Variants in RARB observed in about 807,000 individuals in gnomAD.
RARB encodes the protein HBV-activated protein.
A neutral mutation model predicts 51.9 loss-of-function variants in RARB; 17 were observed. That is an observed-to-expected ratio of 0.33 (90% confidence interval 0.22 to 0.49). The LOEUF (loss-of-function observed/expected upper bound fraction) is 0.49, where lower values mean the gene tolerates loss of function less well. RARB is among the 20% of genes least tolerant of loss of function. The probability of loss-of-function intolerance (pLI) is 0.99; values close to 1 mark genes in which losing one functional copy is unlikely to be tolerated. For missense variants in RARB, 369 were observed against 550.8 expected (o/e 0.67, Z 3.30); for synonymous variants, 215 against 195.4 (o/e 1.10, Z -0.84).
chr3:25,214,627 GC>G (rs1213976856), intron 5 of RARB, among the ~76,000 whole-genome samples: 1 of 152,152 alleles, frequency 6.6e-6, no homozygotes, highest in Non-Finnish European at 1.5e-5. Context: ...GTCCTGAAAT[GC>G]CCCTGAAGGG....
intron 5 of RARB, among the ~76,000 whole-genome samples, chr3:25,347,429 C>T (rs981702221): frequency 2.0e-5 from 3 of 152,158 alleles, no homozygotes; most frequent in Non-Finnish European, 2.9e-5. Flanking sequence ...CACCTAAAAG[C>T]TGTATTTGAT....
chr3:25,566,106 C>T (rs749898325), intron 3 of RARB, among the ~76,000 whole-genome samples: 64 of 152,162 alleles, frequency 4.2e-4, no homozygotes, highest in African/African-American at 1.2e-3. Context: ...CCTAGGCCCC[C>T]GTGGCTTCTT....
At chr3:25,314,482 T>G (rs1704369025) in intron 5 of RARB, among the ~76,000 whole-genome samples, 2 of 152,188 alleles carry the variant, frequency 1.3e-5, no homozygotes, top group Non-Finnish European at 2.9e-5. Context: ...TAGTTTAAGT[T>G]TCTTGTGTTG....
Position 25,399,176 on chromosome 3 carries a change from T to G in RARB, c.179-62017T>G, listed in dbSNP as rs548541392. On this transcript the variant is annotated intron_variant, in intron 5 of 11. Transcript: ENST00000383772. ...TCCGTGTATCACTATGATGCTTTAC[T>G]GAGAAATAAACCCCCTGGGCTTGCT... Among the ~76,000 whole-genome samples, 7 of 152,358 alleles carry G rather than the reference T, an allele frequency of 4.6e-5. No homozygotes were observed. The South Asian group carries it at 1.4e-3, about 32-fold the overall frequency.
At chr3:25,359,874 T>C (rs778020828) in intron 5 of RARB, among the ~76,000 whole-genome samples, 5 of 152,228 alleles carry the variant, frequency 3.3e-5, no homozygotes, top group Non-Finnish European at 7.3e-5. Flanking sequence ...TTGCATTTGC[T>C]GAGGAATGTT....
At chr3:25,506,749 G>A (rs1026838374) in intron 3 of RARB, among the ~76,000 whole-genome samples, 2 of 152,276 alleles carry the variant, frequency 1.3e-5, no homozygotes, top group Non-Finnish European at 2.9e-5. Context: ...AGCAGATGAA[G>A]GGCTAGGTTT....
At position 24,864,061 on chromosome 3, in the gene RARB, T is replaced by C. The variant is rs184159732; in HGVS notation, c.-380+5309T>C. 5.0e-4 allele frequency among the ~76,000 whole-genome samples: 76 copies of C among 152,340 alleles called. 1 individual carries two copies. Among genetic ancestry groups the C allele is most frequent in the Admixed American group, 4.5e-3 (69 of 15,296 alleles). On this transcript the variant is annotated intron_variant, in intron 2 of 11. Transcript: ENST00000383772. ...TGATTTTCTGCCCTAAGCTTAGAAA[T>C]GTAGACAAGTTTCACTAACTTTTGC...
intron 1 of RARB, among the ~76,000 whole-genome samples, chr3:25,435,669 C>T (rs1199032223): frequency 6.6e-6 from 1 of 152,038 alleles, no homozygotes; most frequent in Non-Finnish European, 1.5e-5. Context: ...CATTATGGTC[C>T]TCAGAATGCT....
chr3:24,864,988 C>G (rs1702820546), intron 2 of RARB, among the ~76,000 whole-genome samples: 1 of 152,168 alleles, frequency 6.6e-6, no homozygotes, highest in African/African-American at 2.4e-5. Flanking sequence ...TCGCTTTCCT[C>G]TCCTAAATAG....
rs73049965 is a variant in RARB at position 25,137,700 on chromosome 3, A to G, written c.-280+5492A>G. ...GGCCCATTGAAGGCCTCTTTGTTGC[A>G]ACTTTGTTTATTGTCATTTAAATAG... On this transcript the variant is annotated intron_variant, in intron 4 of 11. Transcript: ENST00000383772. 5.7e-3 allele frequency among the ~76,000 whole-genome samples: 864 copies of G among 152,164 alleles called. 4 individuals carry two copies. Among genetic ancestry groups the G allele is most frequent in the Middle Eastern group, 0.02 (6 of 294 alleles).
chr3:24,839,535 G>GAA (rs56392246), intron 1 of RARB, among the ~76,000 whole-genome samples: 4 of 137,754 alleles, frequency 2.9e-5, no homozygotes, highest in African/African-American at 1.1e-4. Context: ...CCCTGTCTCT[G>GAA]AAAAAAAAAA....
At chr3:25,373,907 G>A (rs781126404) in intron 5 of RARB, among the ~76,000 whole-genome samples, 2 of 152,182 alleles carry the variant, frequency 1.3e-5, no homozygotes, top group South Asian at 2.1e-4. Flanking sequence ...TAGCTCACAC[G>A]TGAGAAGCCA....
At chr3:25,416,250 A>G (rs1013905052) in intron 5 of RARB, among the ~76,000 whole-genome samples, 7 of 152,284 alleles carry the variant, frequency 4.6e-5, no homozygotes, top group Middle Eastern at 3.4e-3. Context: ...TTAGTCAGGC[A>G]TGGTGGCACA....
chr3:25,170,335 C>G (rs150114451), intron 4 of RARB, among the ~76,000 whole-genome samples: 4 of 152,120 alleles, frequency 2.6e-5, no homozygotes, highest in Non-Finnish European at 4.4e-5. Flanking sequence ...GCCAACCTCA[C>G]GTCTAGAGCT....
chr3:25,269,792 C>A (rs905150432), intron 5 of RARB, among the ~76,000 whole-genome samples: 1 of 152,038 alleles, frequency 6.6e-6, no homozygotes, highest in Non-Finnish European at 1.5e-5. Context: ...TCTTTGTTAA[C>A]AAAATTTGTA....
rs946813184 is a variant in RARB, at chr3:25,236,971, C to G, written c.178+62396C>G. ...CTGTTCTCTTATCCTGTTTCTTTAC[C>G]TAACTCTAAACACAAGTTGTTGGTC... On this transcript the variant is annotated intron_variant, in intron 5 of 11. Coordinates refer to the RARB transcript ENST00000383772. Among the ~76,000 whole-genome samples the G allele has an allele frequency of 3.5e-5, 4 of 113,218 alleles. 1 individual carries two copies. The highest frequency in any genetic ancestry group is 1.0e-4 in the African/African-American group (3 of 29,056). The allele number at this position is 113,218 out of a possible 152,430, so 74.3% of individuals were successfully genotyped here.
At chr3:25,497,638 G>A in intron 2 of RARB, among the ~76,000 whole-genome samples, 1 of 152,118 alleles carries the variant, frequency 6.6e-6, no homozygotes, top group Non-Finnish European at 1.5e-5. Context: ...GTTGTGACTT[G>A]CTCAAGTCCT....
At chr3:24,863,761 T>C (rs1702798550) in intron 2 of RARB, among the ~76,000 whole-genome samples, 1 of 152,062 alleles carries the variant, frequency 6.6e-6, no homozygotes, top group African/African-American at 2.4e-5. Context: ...CTCCTGTCAT[T>C]AGACTAACAC....
chr3:24,908,766 A>G (rs1393353089), intron 2 of RARB, among the ~76,000 whole-genome samples: 1 of 148,134 alleles, frequency 6.8e-6, no homozygotes, highest in Non-Finnish European at 1.5e-5. Context: ...TGAGACCTTA[A>G]TAGACCTGTT....
Sources: allele counts gnomAD v4.1 joint callset (sites outside exome capture counted in the v4.1 genomes callset), GRCh38; gene constraint gnomAD v4.1.1; transcripts MANE v1.5; gene names NCBI Gene and HGNC (gene_info 2026-07-23, HGNC 2026-07-21).